The following DIAPH3 variants were observed in gnomAD, a reference collection of about 807,000 sequenced individuals.
DIAPH3 encodes the protein diaphanous related formin 3, also known as protein diaphanous homolog 3.
Under a neutral mutation model 144.3 loss-of-function variants are expected in DIAPH3, and 117 were observed. That is an observed-to-expected ratio of 0.81 (90% CI 0.70 to 0.95). DIAPH3 has a LOEUF of 0.95. Ranked by LOEUF, DIAPH3 falls within the 40% of genes least tolerant of loss-of-function variation. The pLI is 0.00. For missense variants in DIAPH3, 1,421 were observed against 1,412.7 expected (o/e 1.01, Z -0.09); for synonymous variants, 519 against 488.9 (o/e 1.06, Z -0.81).
chr13:59,950,817 T>C (rs892267838), intron 17 of DIAPH3, among the ~76,000 whole-genome samples: 2 of 152,066 alleles, frequency 1.3e-5, no homozygotes, highest in African/African-American at 2.4e-5. Flanking sequence ...ATGAGAAATA[T>C]GTGGAAATAA....
chr13:59,767,037 T>C (rs1167643626), intron 27 of DIAPH3, among the ~76,000 whole-genome samples: 1 of 152,192 alleles, frequency 6.6e-6, no homozygotes, highest in Non-Finnish European at 1.5e-5. Context: ...ACGCTCCTCC[T>C]CTGGCTTCTC....
rs904331645 is a variant in DIAPH3, at chr13:59,798,372, T to C, written c.3163+12416A>G. On this transcript the variant is annotated intron_variant, in intron 25 of 27. Coordinates refer to ENST00000400324, the MANE Select transcript of DIAPH3 (RefSeq NM_001042517.2). ...CAAAAAAAAAATTCAAAGCATAGCATGGTTTCTTGACTTCCAATTTAGCAT... is the reference window on the plus strand; with the variant it reads ...CAAAAAAAAAATTCAAAGCATAGCACGGTTTCTTGACTTCCAATTTAGCAT... 3.3e-5 allele frequency among the ~76,000 whole-genome samples: 5 copies of C among 152,308 alleles called. No individual in the cohort carries two copies. In the East Asian group the frequency reaches 7.7e-4, roughly 24 times the overall value.
chr13:60,019,357 G>A (rs1349614204), intron 5 of DIAPH3, among the ~76,000 whole-genome samples: 1 of 152,056 alleles, frequency 6.6e-6, no homozygotes, highest in Non-Finnish European at 1.5e-5. Flanking sequence ...AAATATGCAC[G>A]TTTCTTCTTC....
intron 17 of DIAPH3, among the ~76,000 whole-genome samples, chr13:59,947,746 C>A (rs920774703): frequency 5.7e-4 from 85 of 148,736 alleles, no homozygotes; most frequent in African/African-American, 7.4e-4. Flanking sequence ...AAAAAAAAAA[C>A]AAACAAACCA....
chr13:59,851,816 C>T (rs1348934288), intron 22 of DIAPH3, among the ~76,000 whole-genome samples: 2 of 152,098 alleles, frequency 1.3e-5, no homozygotes, highest in Non-Finnish European at 2.9e-5. Flanking sequence ...GACGGGGTTT[C>T]ACCATGTTGG....
rs145827856 is a variant in DIAPH3 at position 59,991,176 on chromosome 13, C to G, written c.1343G>C (p.Arg448Pro). 7.5e-5 allele frequency: 120 copies of G among 1,602,080 alleles called. No homozygotes were observed. The East Asian group carries it at 9.4e-4, about 13-fold the overall frequency. ...CTCTTACCTTATAAAATAATCATTT[C>G]GAATCAGCAAAAGATGCTGAAGAAT... Reference protein sequence around the residue: ...ISILQHLLLIRNDYFIRQQYF... With the variant: ...ISILQHLLLIPNDYFIRQQYF... Residue 448 changes from arginine (R) to proline (P), a missense_variant, in exon 12 of 28, where the codon CGA (arginine) becomes CCA (proline). Coordinates refer to ENST00000400324, the MANE Select transcript of DIAPH3 (RefSeq NM_001042517.2).
chr13:59,997,708 A>G (rs1215653042), intron 9 of DIAPH3, among the ~76,000 whole-genome samples: 1 of 152,072 alleles, frequency 6.6e-6, no homozygotes, highest in Non-Finnish European at 1.5e-5. Flanking sequence ...AGGCCGACAG[A>G]GCAGAAGCTT....
At chr13:60,137,851 G>A (rs549446838) in intron 1 of DIAPH3, among the ~76,000 whole-genome samples, 1 of 150,934 alleles carries the variant, frequency 6.6e-6, no homozygotes, top group African/African-American at 2.4e-5. Context: ...AGCCTCTCGA[G>A]TAGCTGGGAC....
chr13:60,008,148 C>A (rs2053002360), intron 9 of DIAPH3, among the ~76,000 whole-genome samples: 1 of 152,120 alleles, frequency 6.6e-6, no homozygotes, highest in Non-Finnish European at 1.5e-5. Context: ...AATCCCAGCA[C>A]TTTGGGAGGC....
At chr13:59,897,120 AGAG>A (rs1218423394) in intron 20 of DIAPH3, among the ~76,000 whole-genome samples, 9 of 152,354 alleles carry the variant, frequency 5.9e-5, no homozygotes, top group African/African-American at 2.2e-4. Context: ...AGAAGAGAGT[AGAG>A]GAGAGCATCT....
chr13:60,016,001 T>A lies in DIAPH3; in HGVS notation c.702-19A>T, dbSNP rs377002405. On this transcript the variant is annotated intron_variant, in intron 6 of 27. Transcript: ENST00000400324. Reference sequence around the variant, plus strand: ...TTCTTGGCTGTATTGACATAAAAAATAGCAGTGTTGGAATTATAATTGGAC... The same window carrying A: ...TTCTTGGCTGTATTGACATAAAAAAAAGCAGTGTTGGAATTATAATTGGAC... The A allele has an allele frequency of 6.2e-7, 1 of 1,611,684 alleles. No individual in the cohort carries two copies. The highest frequency in any genetic ancestry group is 8.5e-7 in the Non-Finnish European group (1 of 1,178,164).
At chr13:60,143,520 T>A (rs190022397) in intron 1 of DIAPH3, among the ~76,000 whole-genome samples, 4 of 152,308 alleles carry the variant, frequency 2.6e-5, no homozygotes, top group Admixed American at 2.6e-4. Context: ...CTTTGACCAA[T>A]GTTATTCTGC....
At position 60,104,566 on chromosome 13, in the gene DIAPH3, G is replaced by GCAAACACA. The variant is rs1555375781; in HGVS notation, c.390+7443_390+7444insTGTGTTTG. ...CAGTTTATCCTAATGCAGTATCAAG[G>GCAAACACA]CACACACACACACACACACACACAC... On this transcript the variant is annotated intron_variant, in intron 3 of 27. Transcript: ENST00000400324. Among the ~76,000 whole-genome samples, 21 of 147,124 alleles carry GCAAACACA rather than the reference G, an allele frequency of 1.4e-4. No homozygotes were observed. In the South Asian group the frequency reaches 4.3e-3, roughly 30 times the overall value.
chr13:60,079,067 T>C (rs866156022), intron 4 of DIAPH3, among the ~76,000 whole-genome samples: 2 of 152,096 alleles, frequency 1.3e-5, no homozygotes, highest in Non-Finnish European at 2.9e-5. Flanking sequence ...TGCTCTGTTT[T>C]TGATTCAGTT....
intron 4 of DIAPH3, among the ~76,000 whole-genome samples, chr13:60,068,263 C>A (rs2057052403): frequency 6.6e-6 from 1 of 152,086 alleles, no homozygotes; most frequent in South Asian, 2.1e-4. Flanking sequence ...TGCATATTTT[C>A]TTTTTTCATA....
At position 59,767,591 on chromosome 13, in the gene DIAPH3, T is replaced by A. The variant is rs189982299; in HGVS notation, c.3319+6598A>T. ...TCCTTATAAACTTAGACTCTGAACT[T>A]TTGCCATAAGAAAAGGGAGAGATTC... On this transcript the variant is annotated intron_variant, in intron 27 of 27. Transcript: ENST00000400324. Among the ~76,000 whole-genome samples the A allele has an allele frequency of 7.2e-4, 109 of 152,102 alleles. 1 individual carries two copies. The highest frequency in any genetic ancestry group is 2.5e-3 in the African/African-American group (105 of 41,528).
At chr13:60,125,654 G>C (rs2058972623) in intron 2 of DIAPH3, among the ~76,000 whole-genome samples, 1 of 152,128 alleles carries the variant, frequency 6.6e-6, no homozygotes, top group Non-Finnish European at 1.5e-5. Flanking sequence ...AAGTTAGAGA[G>C]GCAGGGTCCT....
Position 59,666,412 on chromosome 13 carries a change from T to A in DIAPH3, c.*172A>T. On this transcript the variant is annotated 3_prime_UTR_variant, in exon 28 of 28. Coordinates refer to ENST00000400324, the MANE Select transcript of DIAPH3 (RefSeq NM_001042517.2). Reference sequence around the variant, plus strand: ...GTACAATCTTGAATAAACCAAAACCTCCAGTACATAGAAAAAGCATTGCAA... The same window carrying A: ...GTACAATCTTGAATAAACCAAAACCACCAGTACATAGAAAAAGCATTGCAA... 13 of 715,314 alleles carry A rather than the reference T, an allele frequency of 1.8e-5. No homozygotes were observed. The highest frequency in any genetic ancestry group is 2.6e-5 in the Non-Finnish European group (12 of 463,872). 44.3% of individuals were successfully genotyped at this position (715,314 alleles called of 1,614,324 possible).
chr13:60,113,609 C>T (rs960041323), intron 2 of DIAPH3, among the ~76,000 whole-genome samples: 6 of 152,060 alleles, frequency 3.9e-5, no homozygotes, highest in Admixed American at 6.6e-5. Flanking sequence ...TCATTCTAAC[C>T]ACCAAAACAA....
Sources: gnomAD v4.1 joint callset for allele counts (sites outside exome capture counted in the v4.1 genomes callset) on GRCh38, gnomAD v4.1.1 for gene constraint, MANE v1.5 for transcripts, NCBI Gene and HGNC (gene_info 2026-07-23, HGNC 2026-07-21) for gene names.